Variants in FADS1 observed in about 807,000 individuals in gnomAD.
FADS1 encodes the protein acyl-CoA (8-3)-desaturase.
A neutral mutation model predicts 61.6 loss-of-function variants in FADS1; 17 were observed. The observed-to-expected ratio is 0.28, with a 90% confidence interval of 0.19 to 0.41. FADS1 has a LOEUF of 0.41. Among genes scored for constraint, FADS1 ranks in the 10% least tolerant of loss-of-function variants. The probability of loss-of-function intolerance (pLI) is 1.00; values close to 1 mark genes in which losing one functional copy is unlikely to be tolerated. For missense variants in FADS1, 387 were observed against 650.9 expected (o/e 0.59, Z 4.41); for synonymous variants, 238 against 258.7 (o/e 0.92, Z 0.77).
rs757771340 is a variant in FADS1 at position 61,811,082 on chromosome 11, G to A, written c.685-7C>T. ...GCAGCCAGCCAGCCTGGGCCTAGGT[G>A]AGAAGAGTCAACACTGAGAGCAGCC... On this transcript the variant is annotated splice_polypyrimidine_tract_variant and splice_region_variant and intron_variant, in intron 3 of 11. Transcript: ENST00000350997. The A allele has an allele frequency of 2.5e-6, 4 of 1,610,040 alleles. No individual in the cohort carries two copies. In the African/African-American group the frequency reaches 5.3e-5, roughly 22 times the overall value.
Position 61,803,958 on chromosome 11 carries a change from G to A in FADS1, c.1054-191C>T. ...CTTCCATTCCCATTGGCACCCCCCA[G>A]CCCTTCTTGCATGTCCCCTTCAAAA... On this transcript the variant is annotated intron_variant, in intron 7 of 11. Transcript: ENST00000350997. This position sits in a 1 kb window ranked among gnomAD's most constrained non-coding sequence, Gnocchi z 4.3. The A allele has an allele frequency of 1.7e-6, 1 of 600,440 alleles. No homozygotes were observed. The highest frequency in any genetic ancestry group is 2.9e-5 in the Admixed American group (1 of 34,934). The allele number at this position is 600,440 out of a possible 1,614,324, so 37.2% of individuals were successfully genotyped here. A position where few individuals can be genotyped will look rare whatever the true frequency, so the allele number is the denominator to read the frequency against.
Position 61,812,696 on chromosome 11 carries a change from T to C in FADS1, c.487-28A>G, listed in dbSNP as rs949955108. 6 of 1,595,634 alleles carry C rather than the reference T, an allele frequency of 3.8e-6. No individual in the cohort carries two copies. The Admixed American group carries it at 6.9e-5, about 18-fold the overall frequency. The stretch of plus-strand genomic sequence containing the variant: ...GCAGAAGAGGAAGAGGAGCTGTTAT[T>C]CTTCTCATCTGCACCCCAATGCTAC... On this transcript the variant is annotated intron_variant, in intron 2 of 11. Transcript: ENST00000350997.
rs372843698 is a variant in FADS1 at position 61,807,363 on chromosome 11, C to T, written c.916-639G>A. ...GATTACAGGTGTGAGGCAGTGCGCC[C>T]GGCCGCCATCGTACTTTTTCACACC... On this transcript the variant is annotated intron_variant, in intron 5 of 11. Transcript: ENST00000350997. Among the ~76,000 whole-genome samples, 126 of 152,180 alleles carry T rather than the reference C, an allele frequency of 8.3e-4. 1 individual carries two copies. The highest frequency in any genetic ancestry group is 1.6e-3 in the Non-Finnish European group (108 of 68,034).
In FADS1 at chr11:61,811,034, C is replaced by G; in HGVS notation, c.726G>C (p.Ser242=). 1 of 1,613,962 alleles carries G rather than the reference C, an allele frequency of 6.2e-7. No individual in the cohort carries two copies. Reference sequence around the variant, plus strand: ...GGTTCCACTTTGAGGTGCTGAAGACCGACAGGTGCCCAAAGTCATGCTGCA... The same window carrying G: ...GGTTCCACTTTGAGGTGCTGAAGACGGACAGGTGCCCAAAGTCATGCTGCA... ...GWLQHDFGHL[S]VFSTSKWNHL... is the part of the protein sequence containing the mutation. The change falls in exon 4 of 12, where the codon TCG becomes TCC. Residue 242 remains serine (S), a synonymous_variant. Transcript: ENST00000350997.
In FADS1 at chr11:61,802,857, C is replaced by T; in HGVS notation, c.1398G>A (p.Lys466=). The T allele has an allele frequency of 1.2e-6, 2 of 1,614,222 alleles. No individual in the cohort carries two copies. ...VAPLVQSLCA[K]HGIEYQSKPL... The stretch of plus-strand genomic sequence containing the variant: ...GCTTGGACTGGTACTCTATGCCATG[C>T]TTGGCACACAAGGACTGCACCAGGG... The change falls in exon 11 of 12, where the codon AAG becomes AAA. Residue 466 remains lysine, a synonymous_variant. Transcript: ENST00000350997. The surrounding 1 kb of genome is among the most constrained non-coding windows in gnomAD (Gnocchi z 4.2).
chr11:61,816,621 G>A lies in FADS1; in HGVS notation c.309C>T (p.Ser103=), dbSNP rs1591157594. Reference sequence around the variant, plus strand: ...CCCCTGGATGCCGGCGGGTGAACTCGCTGATGTTGTACACCTTACGGTCGA... The same window carrying A: ...CCCCTGGATGCCGGCGGGTGAACTCACTGATGTTGTACACCTTACGGTCGA... The part of the protein sequence containing the change: ...LVIDRKVYNI[S]EFTRRHPGGS... The change falls in exon 1 of 12, where the codon AGC becomes AGT. Residue 103 remains serine, a synonymous_variant. Coordinates refer to ENST00000350997, the MANE Select transcript of FADS1 (RefSeq NM_013402.7). The surrounding 1 kb of genome is among the most constrained non-coding windows in gnomAD (Gnocchi z 7.0). 3 of 1,602,778 alleles carry A rather than the reference G, an allele frequency of 1.9e-6. No individual in the cohort carries two copies. The highest frequency in any genetic ancestry group is 2.6e-6 in the Non-Finnish European group (3 of 1,175,490).
chr11:61,811,141 T>A, intron 3 of FADS1, 66 bp from the exon 4 acceptor site: 1 of 1,190,838 alleles, frequency 8.4e-7, no homozygotes, highest in Non-Finnish European at 1.2e-6. Context: ...CTGACCTCGA[T>A]GCCTCCTTCA....
rs374260004 is a variant in FADS1 at position 61,803,336 on chromosome 11, C to G, written c.1248+27G>C. On this transcript the variant is annotated intron_variant, in intron 9 of 11. Transcript: ENST00000350997. The surrounding 1 kb of genome is among the most constrained non-coding windows in gnomAD (Gnocchi z 4.3). Reference sequence around the variant, plus strand: ...TCCTTTTCAATAGTTGTGTTATGCTCCAGTCTTCTGAGTGACTGTCCCTTA... The same window carrying G: ...TCCTTTTCAATAGTTGTGTTATGCTGCAGTCTTCTGAGTGACTGTCCCTTA... 20 of 1,561,534 alleles carry G rather than the reference C, an allele frequency of 1.3e-5. No homozygotes were observed. Among genetic ancestry groups the G allele is most frequent in the African/African-American group, 5.4e-5 (4 of 73,890 alleles).
At chr11:61,804,529 C>T (rs555101879) in intron 7 of FADS1, 156 bp downstream of exon 7, 6 of 619,932 alleles carry the variant, frequency 9.7e-6, no homozygotes, top group East Asian at 8.3e-5. Context: ...CAAATCATTT[C>T]GTCCCACTTA....
intron 1 of FADS1, chr11:61,814,208 C>T (rs369025625): frequency 7.2e-5 from 11 of 152,760 alleles, no homozygotes; most frequent in East Asian, 3.9e-4. Flanking sequence ...GAACCAACTC[C>T]TGACACAGAA....
chr11:61,802,542 G>T lies in FADS1; in HGVS notation c.1455-80C>A. ...CCGGAGATGGAGCAGTGAGGTTAAG[G>T]CCTTCTTCCATCTGGAGGTTTTCCT... On this transcript the variant is annotated intron_variant, in intron 11 of 11. Coordinates refer to ENST00000350997, the MANE Select transcript of FADS1 (RefSeq NM_013402.7). The surrounding 1 kb of genome is among the most constrained non-coding windows in gnomAD (Gnocchi z 4.2). 1 of 1,371,918 alleles carries T rather than the reference G, an allele frequency of 7.3e-7. No homozygotes were observed. The highest frequency in any genetic ancestry group is 1.0e-6 in the Non-Finnish European group (1 of 985,016). 85.0% of individuals were successfully genotyped at this position (1,371,918 alleles called of 1,614,324 possible).
rs1199542191 is a variant in FADS1 at position 61,802,158 on chromosome 11, A to G, written c.*253T>C. The G allele has an allele frequency of 7.5e-5, 37 of 494,730 alleles. No homozygotes were observed. The highest frequency in any genetic ancestry group is 9.5e-5 in the Non-Finnish European group (26 of 272,686). The allele number at this position is 494,730 out of a possible 1,614,324, so 30.6% of individuals were successfully genotyped here. On this transcript the variant is annotated 3_prime_UTR_variant, in exon 12 of 12. Transcript: ENST00000350997. The surrounding 1 kb of genome is among the most constrained non-coding windows in gnomAD (Gnocchi z 4.2). ...ACCAACTACCTGCATGTGCCAAACTAGAAAAAGGAAATAATTTACACCCCT... is the reference window on the plus strand; with the variant it reads ...ACCAACTACCTGCATGTGCCAAACTGGAAAAAGGAAATAATTTACACCCCT...
chr11:61,814,979 C>G (rs2066965125), intron 1 of FADS1: 1 of 153,850 alleles, frequency 6.5e-6, no homozygotes, highest in Non-Finnish European at 1.5e-5. Context: ...AACTGGGGCA[C>G]TTCTGCGTTT....
At chr11:61,806,590 G>A in intron 6 of FADS1, 74 bp downstream of exon 6, 2 of 1,343,088 alleles carry the variant, frequency 1.5e-6, no homozygotes, top group Admixed American at 1.7e-5. Flanking sequence ...TAATCCCTTG[G>A]ACAGCCACAT....
At chr11:61,808,854 T>A (rs2066913411) in intron 5 of FADS1, among the ~76,000 whole-genome samples, 1 of 152,206 alleles carries the variant, frequency 6.6e-6, no homozygotes, top group African/African-American at 2.4e-5. Flanking sequence ...CTGGACTCGC[T>A]CCAGCCGCCT....
intron 5 of FADS1, among the ~76,000 whole-genome samples, chr11:61,806,931 C>T (rs1376428531): frequency 6.6e-6 from 1 of 152,224 alleles, no homozygotes; most frequent in African/African-American, 2.4e-5. Context: ...CACACCATGG[C>T]CTGCAGCTGG....
In FADS1 at chr11:61,802,160, A is replaced by G. The variant is rs1267517161; in HGVS notation, c.*251T>C. 2.0e-6 allele frequency: 1 copy of G among 506,090 alleles called. No individual in the cohort carries two copies. Among genetic ancestry groups the G allele is most frequent in the Non-Finnish European group, 3.6e-6 (1 of 279,858 alleles). 31.3% of individuals were successfully genotyped at this position (506,090 alleles called of 1,614,324 possible). On this transcript the variant is annotated 3_prime_UTR_variant, in exon 12 of 12. Transcript: ENST00000350997. The surrounding 1 kb of genome is among the most constrained non-coding windows in gnomAD (Gnocchi z 4.2). ...CAACTACCTGCATGTGCCAAACTAGAAAAAGGAAATAATTTACACCCCTGC... is the reference window on the plus strand; with the variant it reads ...CAACTACCTGCATGTGCCAAACTAGGAAAAGGAAATAATTTACACCCCTGC...
intron 5 of FADS1, among the ~76,000 whole-genome samples, chr11:61,807,686 A>G (rs174553): frequency 0.29 from 43,696 of 152,088 alleles, 8,132 homozygotes; most frequent in East Asian, 0.55. Flanking sequence ...AGAACCCCTG[A>G]TGTGGGCTCA....
intron 5 of FADS1, among the ~76,000 whole-genome samples, chr11:61,808,632 A>G (rs2066911431): frequency 6.6e-6 from 1 of 152,238 alleles, no homozygotes; most frequent in South Asian, 2.1e-4. Flanking sequence ...CCATTCAAGG[A>G]GGAAGCAATG....
Sources: allele counts gnomAD v4.1 joint callset (sites outside exome capture counted in the v4.1 genomes callset), GRCh38; gene constraint gnomAD v4.1.1; non-coding constraint Gnocchi (gnomAD v3.1); transcripts MANE v1.5; gene names NCBI Gene and HGNC (gene_info 2026-07-23, HGNC 2026-07-21).